The following XPO6 variants were observed in gnomAD, a reference collection of about 807,000 sequenced individuals.
XPO6 encodes exportin-6.
A neutral mutation model predicts 130.0 loss-of-function variants in XPO6; 3 were observed. The ratio of observed to expected loss-of-function variants is 0.02; its 90% confidence interval spans 0.01 to 0.06. The LOEUF (loss-of-function observed/expected upper bound fraction) is 0.06. Among genes scored for constraint, XPO6 ranks in the 10% least tolerant of loss-of-function variants. The probability of loss-of-function intolerance (pLI) is 1.00; values close to 1 mark genes in which losing one functional copy is unlikely to be tolerated. For synonymous variants in XPO6, 524 were observed against 548.9 expected (o/e 0.95, Z 0.63); for missense variants, 970 against 1,393.0 (o/e 0.70, Z 4.83).
intron 1 of XPO6, among the ~76,000 whole-genome samples, chr16:28,182,778 T>C (rs1221511166): frequency 6.6e-6 from 1 of 152,214 alleles, no homozygotes; most frequent in Non-Finnish European, 1.5e-5. Flanking sequence ...CTCACTGTTC[T>C]CACTGACTTT....
intron 1 of XPO6, among the ~76,000 whole-genome samples, chr16:28,187,727 G>C (rs996606064): frequency 1.3e-5 from 2 of 149,248 alleles, no homozygotes; most frequent in Non-Finnish European, 3.0e-5. Context: ...TGGGCTGGTG[G>C]CTCAACTATC....
Position 28,106,280 on chromosome 16 carries a change from T to C in XPO6, c.2613-66A>G. 3 of 1,607,798 alleles carry C rather than the reference T, an allele frequency of 1.9e-6. No homozygotes were observed. The highest frequency in any genetic ancestry group is 1.7e-6 in the Non-Finnish European group (2 of 1,175,546). Reference sequence around the variant, plus strand: ...CTCTGGGGGCCAGCATGAAAACCCATGCTGTGGCAAGTGCAGAACAGGAGC... The same window carrying C: ...CTCTGGGGGCCAGCATGAAAACCCACGCTGTGGCAAGTGCAGAACAGGAGC... On this transcript the variant is annotated intron_variant, in intron 19 of 23. Coordinates refer to ENST00000304658, the MANE Select transcript of XPO6 (RefSeq NM_015171.4). The surrounding 1 kb of genome is among the most constrained non-coding windows in gnomAD (Gnocchi z 4.2).
chr16:28,124,739 T>C (rs1325848471), intron 13 of XPO6, among the ~76,000 whole-genome samples: 3 of 152,230 alleles, frequency 2.0e-5, no homozygotes, highest in Admixed American at 2.0e-4. Context: ...GTGCTGTTTT[T>C]ATTATTAATA....
chr16:28,103,391 C>G (rs1332838570), intron 21 of XPO6, among the ~76,000 whole-genome samples: 1 of 152,214 alleles, frequency 6.6e-6, no homozygotes, highest in African/African-American at 2.4e-5. Flanking sequence ...CATTCAGCTG[C>G]TGGATACTCA....
At chr16:28,186,371 A>ATTTTTTTT (rs1237138991) in intron 1 of XPO6, among the ~76,000 whole-genome samples, 5 of 10,130 alleles carry the variant, frequency 4.9e-4, no homozygotes, top group Admixed American at 2.3e-3. Flanking sequence ...TGCCCCAGTT[A>ATTTTTTTT]TTCTTTTTTT....
In XPO6 at chr16:28,161,493, CA is replaced by C. The variant is rs111901517; in HGVS notation, c.644-4967del. Reference sequence around the variant, plus strand: ...CTTATCAAGTTGATTTATGAGGAGCCAAAAAAAAGAAAAGTAGATTTAAAAG... The same window carrying C: ...CTTATCAAGTTGATTTATGAGGAGCCAAAAAAAGAAAAGTAGATTTAAAAG... On this transcript the variant is annotated intron_variant, in intron 6 of 23. Coordinates refer to ENST00000304658, the MANE Select transcript of XPO6 (RefSeq NM_015171.4). 3.6e-3 allele frequency among the ~76,000 whole-genome samples: 536 copies of C among 147,152 alleles called. 5 individuals carry two copies. The highest frequency in any genetic ancestry group is 0.013 in the African/African-American group (518 of 39,720).
At chr16:28,186,371 A>ATTATTTTTTTTTTTTTTTTTTTTT (rs1237138991) in intron 1 of XPO6, among the ~76,000 whole-genome samples, 1 of 10,136 alleles carries the variant, frequency 9.9e-5, no homozygotes, top group Non-Finnish European at 2.0e-4. Context: ...TGCCCCAGTT[A>ATTATTTTTTTTTTTTTTTTTTTTT]TTCTTTTTTT....
rs1030944214 is a variant in XPO6 at position 28,177,479 on chromosome 16, T to A, written c.95-147A>T. On this transcript the variant is annotated intron_variant, in intron 2 of 23. Coordinates refer to ENST00000304658, the MANE Select transcript of XPO6 (RefSeq NM_015171.4). ...AGCGGATTCTTTAAGATAGAAAGAA[T>A]AAATCATACAATATTTTTCTGCGTC... 7 of 529,388 alleles carry A rather than the reference T, an allele frequency of 1.3e-5. No individual in the cohort carries two copies. In the African/African-American group the frequency reaches 1.4e-4, roughly 10 times the overall value. The allele number at this position is 529,388 out of a possible 1,614,324, so 32.8% of individuals were successfully genotyped here.
Position 28,117,472 on chromosome 16 carries a change from G to A in XPO6, c.1860-10C>T. 1 of 1,609,370 alleles carries A rather than the reference G, an allele frequency of 6.2e-7. No individual in the cohort carries two copies. Among genetic ancestry groups the A allele is most frequent in the Admixed American group, 1.7e-5 (1 of 59,810 alleles). ...CAGGGACTGAGCATGCCTGCAGAAAGAAAAGAAGATGTGATTTTAAAGGTT... is the reference window on the plus strand; with the variant it reads ...CAGGGACTGAGCATGCCTGCAGAAAAAAAAGAAGATGTGATTTTAAAGGTT... On this transcript the variant is annotated splice_polypyrimidine_tract_variant and intron_variant, in intron 14 of 23. Transcript: ENST00000304658.
chr16:28,201,709 A>G (rs2043956321), intron 1 of XPO6, among the ~76,000 whole-genome samples: 1 of 152,126 alleles, frequency 6.6e-6, no homozygotes, highest in Non-Finnish European at 1.5e-5. Flanking sequence ...ACAAAAAATT[A>G]GCCAGGCGTG....
At chr16:28,185,811 G>A (rs1347092688) in intron 1 of XPO6, among the ~76,000 whole-genome samples, 1 of 152,138 alleles carries the variant, frequency 6.6e-6, no homozygotes, top group Non-Finnish European at 1.5e-5. Flanking sequence ...ATAGCAAATG[G>A]CACATACACT....
At chr16:28,134,047 G>C in intron 10 of XPO6, 114 bp from the exon 11 acceptor site, 1 of 995,498 alleles carries the variant, frequency 1.0e-6, no homozygotes, top group South Asian at 1.5e-5. Flanking sequence ...GATGGAACCA[G>C]GTTATCTGGT....
In XPO6 at chr16:28,146,152, C is replaced by G. The variant is rs1472056086; in HGVS notation, c.1276G>C (p.Asp426His). ...CTTTTAATTTTACTTGTCAGATAGT[C>G]CAAAAACAGCGTCCAGATATCCAAA... ...SCLDIWTLFL[D>H]YLTSKIKSRL... Residue 426 changes from aspartate to histidine, a missense_variant, in exon 9 of 24, where the codon GAC becomes CAC. Asp to His is a moderately conservative substitution (Grantham distance 81). Transcript: ENST00000304658. The G allele has an allele frequency of 6.2e-7, 1 of 1,614,090 alleles. No homozygotes were observed. The highest frequency in any genetic ancestry group is 1.7e-5 in the Admixed American group (1 of 60,024).
intron 1 of XPO6, among the ~76,000 whole-genome samples, chr16:28,203,229 T>C (rs1324100791): frequency 6.6e-6 from 1 of 151,364 alleles, no homozygotes; most frequent in African/African-American, 2.4e-5. Flanking sequence ...TAAGACATGA[T>C]TGCTCCACTG....
chr16:28,126,342 T>C (rs1386777252), intron 12 of XPO6, among the ~76,000 whole-genome samples: 3 of 152,188 alleles, frequency 2.0e-5, no homozygotes, highest in Non-Finnish European at 2.9e-5. Context: ...GACCCGCCCC[T>C]GCTAAGAGAG....
chr16:28,169,952 A>G (rs765573514), intron 4 of XPO6, 43 bp from the exon 5 acceptor site: 3 of 1,607,014 alleles, frequency 1.9e-6, no homozygotes, highest in South Asian at 1.1e-5. Flanking sequence ...TTGGACTAAT[A>G]AAGTACAAAG....
chr16:28,156,642 A>T, intron 6 of XPO6, 115 bp from the exon 7 acceptor site: 2 of 608,284 alleles, frequency 3.3e-6, no homozygotes, highest in Non-Finnish European at 4.9e-6. Context: ...GTATCAGTTT[A>T]GTTACCTATG....
intron 17 of XPO6, chr16:28,111,344 C>T (rs527461073): frequency 1.3e-5 from 2 of 152,446 alleles, no homozygotes; most frequent in Admixed American, 6.5e-5. Flanking sequence ...CTTCAAGTGC[C>T]ATTTTTTAAG....
chr16:28,191,929 C>T (rs576209309), intron 1 of XPO6, among the ~76,000 whole-genome samples: 7 of 152,312 alleles, frequency 4.6e-5, no homozygotes, highest in African/African-American at 1.7e-4. Flanking sequence ...CCACCTTCAT[C>T]CTGAATTATT....
Sources: allele counts gnomAD v4.1 joint callset (sites outside exome capture counted in the v4.1 genomes callset), GRCh38; gene constraint gnomAD v4.1.1; non-coding constraint Gnocchi (gnomAD v3.1); transcripts MANE v1.5; gene names NCBI Gene and HGNC (gene_info 2026-07-23, HGNC 2026-07-21).